The following PTPRA variants were observed in gnomAD, a reference collection of about 807,000 sequenced individuals.
PTPRA encodes receptor-type tyrosine-protein phosphatase alpha.
PTPRA carries 25 observed loss-of-function variants against 104.8 expected under a neutral mutation model. That is an observed-to-expected ratio of 0.24 (90% CI 0.17 to 0.33). PTPRA has a LOEUF of 0.33. PTPRA is among the 10% of genes least tolerant of loss of function. The pLI, the probability that PTPRA is intolerant of heterozygous loss-of-function variation, is 1.00. For missense variants in PTPRA, 765 were observed against 1,015.3 expected (o/e 0.75, Z 3.35); for synonymous variants, 323 against 368.9 (o/e 0.88, Z 1.43).
chr20:2,908,882 A>T (rs1600095824), intron 1 of PTPRA, among the ~76,000 whole-genome samples: 1 of 152,248 alleles, frequency 6.6e-6, no homozygotes, highest in South Asian at 2.1e-4. Flanking sequence ...TACTGATAAC[A>T]GTTATGCATT....
chr20:2,893,614 T>C (rs1478979540), intron 1 of PTPRA, among the ~76,000 whole-genome samples: 4 of 152,206 alleles, frequency 2.6e-5, no homozygotes, highest in Non-Finnish European at 5.9e-5. Context: ...AAATGGTATA[T>C]GGATCTGTTT....
At chr20:2,961,688 A>G (rs2061760361) in intron 3 of PTPRA, among the ~76,000 whole-genome samples, 1 of 152,214 alleles carries the variant, frequency 6.6e-6, no homozygotes, top group Non-Finnish European at 1.5e-5. Flanking sequence ...AGTTCTCGCC[A>G]TACCCAAAGT....
chr20:3,032,169 C>T (rs6076463), intron 20 of PTPRA, among the ~76,000 whole-genome samples: 29,586 of 152,158 alleles, frequency 0.19, 3,468 homozygotes, highest in South Asian at 0.29. Flanking sequence ...CCCAAACAAC[C>T]AGCCTCTTCA....
chr20:2,954,882 G>C (rs6138966), intron 3 of PTPRA, among the ~76,000 whole-genome samples: 1 of 152,210 alleles, frequency 6.6e-6, no homozygotes, highest in Admixed American at 6.5e-5. Context: ...AGTGGTATAA[G>C]GGAGGGGTCC....
intron 1 of PTPRA, among the ~76,000 whole-genome samples, chr20:2,875,532 A>C (rs497518): frequency 0.2 from 31,093 of 152,078 alleles, 5,096 homozygotes; most frequent in African/African-American, 0.45. Flanking sequence ...TTGGGATACA[A>C]AAGTGAGGAA....
At chr20:2,987,023 A>AC (rs1176743726) in intron 7 of PTPRA, among the ~76,000 whole-genome samples, 174 bp downstream of exon 7, 1 of 152,182 alleles carries the variant, frequency 6.6e-6, no homozygotes, top group Admixed American at 6.5e-5. Flanking sequence ...TAAAAGCTCT[A>AC]CATAGTCTTC....
Position 2,988,473 on chromosome 20 carries a change from A to G in PTPRA, c.737A>G (p.Asn246Ser), listed in dbSNP as rs376452374. 9 of 1,612,636 alleles carry G rather than the reference A, an allele frequency of 5.6e-6. No homozygotes were observed. In the African/African-American group the frequency reaches 9.3e-5, roughly 17 times the overall value. Residue 246 changes from asparagine (N) to serine (S), a missense_variant and splice_region_variant, in exon 9 of 24, where the codon AAC becomes AGC. Asn to Ser is a conservative substitution (Grantham distance 46, BLOSUM62 1). Coordinates refer to ENST00000399903, the MANE Select transcript of PTPRA (RefSeq NM_001385305.1). ...AATAAGCTCTTCAGGGAGGAATTCA[A>G]CGTGAGTACTTTGTTGAGGCTGGTG... ...DDNKLFREEF[N>S]ALPACPIQAT...
chr20:2,904,644 G>C (rs1304937201), intron 1 of PTPRA, among the ~76,000 whole-genome samples: 2 of 142,752 alleles, frequency 1.4e-5, no homozygotes, highest in African/African-American at 5.2e-5. Context: ...TTCTAGCCTG[G>C]CTAGAGAGCA....
chr20:3,001,956 A>G (rs1434243728), intron 9 of PTPRA, among the ~76,000 whole-genome samples: 1 of 152,116 alleles, frequency 6.6e-6, no homozygotes, highest in Non-Finnish European at 1.5e-5. Context: ...GCAACATAGC[A>G]AGATCCACCT....
chr20:3,008,759 A>C (rs1568693889), intron 11 of PTPRA, among the ~76,000 whole-genome samples: 1 of 127,134 alleles, frequency 7.9e-6, no homozygotes. Flanking sequence ...AAAAAAAAAA[A>C]CAACTTAGCC....
chr20:2,901,116 G>A (rs1004984676), intron 1 of PTPRA, among the ~76,000 whole-genome samples: 14 of 151,724 alleles, frequency 9.2e-5, no homozygotes, highest in Non-Finnish European at 1.6e-4. Context: ...GATTACAGGC[G>A]CGCGACACCA....
At chr20:2,923,477 T>C (rs1415164091) in intron 2 of PTPRA, among the ~76,000 whole-genome samples, 192 bp downstream of exon 2, 5 of 152,002 alleles carry the variant, frequency 3.3e-5, no homozygotes, top group Non-Finnish European at 7.4e-5. Flanking sequence ...TCAGAATCAC[T>C]TGAAGAGCTT....
chr20:2,936,705 T>C (rs1209570008), intron 2 of PTPRA, among the ~76,000 whole-genome samples: 1 of 152,202 alleles, frequency 6.6e-6, no homozygotes, highest in Non-Finnish European at 1.5e-5. Context: ...AGTCTTGGGC[T>C]GAAGTGATCC....
chr20:2,961,358 C>A (rs1178026), intron 3 of PTPRA, among the ~76,000 whole-genome samples: 36,596 of 151,976 alleles, frequency 0.24, 7,796 homozygotes, highest in African/African-American at 0.58. Flanking sequence ...AGTGGTATCC[C>A]GTTTTAATTT....
At chr20:3,016,664 C>T (rs1252492845) in intron 12 of PTPRA, among the ~76,000 whole-genome samples, 3 of 152,176 alleles carry the variant, frequency 2.0e-5, no homozygotes, top group Non-Finnish European at 4.4e-5. Context: ...CACATGAACC[C>T]GGGAGCCAGA....
At chr20:2,947,030 G>C (rs1031829068) in intron 2 of PTPRA, among the ~76,000 whole-genome samples, 4 of 152,098 alleles carry the variant, frequency 2.6e-5, no homozygotes, top group Non-Finnish European at 5.9e-5. Flanking sequence ...GAGGACAGGA[G>C]CTGCTTTCTC....
chr20:2,974,013 G>C (rs1323711290), intron 5 of PTPRA, among the ~76,000 whole-genome samples: 1 of 148,454 alleles, frequency 6.7e-6, no homozygotes, highest in East Asian at 2.0e-4. Flanking sequence ...GTGCAGTGGC[G>C]TGATCTCTGC....
intron 9 of PTPRA, among the ~76,000 whole-genome samples, chr20:2,991,763 T>C (rs1303357352): frequency 1.3e-5 from 2 of 152,124 alleles, no homozygotes; most frequent in Non-Finnish European, 2.9e-5. Context: ...ACTAGGGTAG[T>C]GAGGGAAAGG....
At chr20:2,945,390 A>C (rs1436833951) in intron 2 of PTPRA, among the ~76,000 whole-genome samples, 1 of 152,138 alleles carries the variant, frequency 6.6e-6, no homozygotes, top group Non-Finnish European at 1.5e-5. Flanking sequence ...GTCTTCAATC[A>C]TTTTAATTCA....
Sources: allele counts gnomAD v4.1 joint callset (sites outside exome capture counted in the v4.1 genomes callset), GRCh38; gene constraint gnomAD v4.1.1; transcripts MANE v1.5; gene names NCBI Gene and HGNC (gene_info 2026-07-23, HGNC 2026-07-21).